Variants in KLHL13 observed in about 807,000 individuals in gnomAD.
KLHL13 encodes the protein kelch like family member 13, also known as kelch-like protein 13.
A neutral mutation model predicts 37.1 loss-of-function variants in KLHL13; 10 were observed. The ratio of observed to expected loss-of-function variants is 0.27; its 90% CI spans 0.17 to 0.46. The LOEUF is 0.46. Among genes scored for constraint, KLHL13 ranks in the 20% least tolerant of loss-of-function variants. The pLI is 1.00. For missense variants in KLHL13, 360 were observed against 509.3 expected, an observed-to-expected ratio of 0.71 and a Z score of 2.82; for synonymous variants, 163 against 181.2, an observed-to-expected ratio of 0.90 and a Z score of 0.81.
intron 1 of KLHL13, among the ~76,000 whole-genome samples, chrX:118,012,596 T>TA (rs1476509037): frequency 3.0e-5 from 3 of 99,628 alleles, no homozygotes; most frequent in African/African-American, 1.1e-4. Context: ...GACCTTAACT[T>TA]AATCACATCT....
chrX:118,110,377 C>CTTTTTTTTT (rs1054663520), intron 1 of KLHL13, among the ~76,000 whole-genome samples: 2 of 82,557 alleles, frequency 2.4e-5, no homozygotes, highest in Admixed American at 1.4e-4. Context: ...ATTTCTTTTT[C>CTTTTTTTTT]TTTTTTTTTT....
At chrX:118,090,829 G>A (rs900694317) in intron 1 of KLHL13, among the ~76,000 whole-genome samples, 8 of 109,706 alleles carry the variant, frequency 7.3e-5, no homozygotes, top group Non-Finnish European at 1.5e-4. Context: ...ACATGCACAC[G>A]TATGTTTATA....
At chrX:117,970,829 ATAAGT>A (rs1290419299) in intron 1 of KLHL13, among the ~76,000 whole-genome samples, 1 of 111,935 alleles carries the variant, frequency 8.9e-6, no homozygotes, top group African/African-American at 3.2e-5. Context: ...AAAAAGAAAA[ATAAGT>A]TAAGACCAAT....
chrX:117,904,812 T>C (rs1045018272), intron 5 of KLHL13, among the ~76,000 whole-genome samples: 2 of 111,514 alleles, frequency 1.8e-5, no homozygotes, highest in Admixed American at 9.6e-5. Flanking sequence ...AGACTCTTTC[T>C]GGCCCTTTAC....
chrX:117,979,730 A>G (rs1254010218), intron 1 of KLHL13, among the ~76,000 whole-genome samples: 1 of 111,618 alleles, frequency 9.0e-6, no homozygotes, highest in Non-Finnish European at 1.9e-5. Flanking sequence ...AAATGAAAAA[A>G]TATGTAGAAA....
intron 1 of KLHL13, among the ~76,000 whole-genome samples, chrX:118,071,185 T>A (rs2054859549): frequency 8.9e-6 from 1 of 111,808 alleles, no homozygotes; most frequent in Non-Finnish European, 1.9e-5. Flanking sequence ...GTTCCAAGTC[T>A]TTGCTATTGT....
chrX:118,050,760 T>C (rs767229275), intron 1 of KLHL13, among the ~76,000 whole-genome samples: 1 of 112,224 alleles, frequency 8.9e-6, no homozygotes, highest in Non-Finnish European at 1.9e-5. Context: ...TGAGCCCTGA[T>C]ACACACACAT....
intron 1 of KLHL13, among the ~76,000 whole-genome samples, chrX:118,095,555 C>G (rs1477751729): frequency 9.0e-6 from 1 of 111,662 alleles, no homozygotes; most frequent in African/African-American, 3.3e-5. Context: ...CAGACATCTA[C>G]AGAACTCTCC....
chrX:117,914,504 A>G (rs1419476672), intron 4 of KLHL13, among the ~76,000 whole-genome samples: 1 of 111,456 alleles, frequency 9.0e-6, no homozygotes, highest in African/African-American at 3.3e-5. Flanking sequence ...GCAGAGAATG[A>G]AACCATGTCC....
At chrX:117,932,447 T>C (rs1464756767) in intron 2 of KLHL13, among the ~76,000 whole-genome samples, 7 of 111,172 alleles carry the variant, frequency 6.3e-5, no homozygotes, top group African/African-American at 2.3e-4. Flanking sequence ...TTCTCTTTCA[T>C]TGCCTGATTT....
At position 117,927,271 on chromosome X, in the gene KLHL13, C is replaced by T. The variant is rs749934999; in HGVS notation, c.241-6901G>A. ...GAGAGGACGCCTCGCCTCGCCCCGC[C>T]CCGCCCCTCCCGGCCTGGCCTGGAT... On this transcript the variant is annotated intron_variant, in intron 2 of 6. Coordinates refer to ENST00000262820, the Ensembl canonical transcript of KLHL13. Among the ~76,000 whole-genome samples the T allele has an allele frequency of 2.7e-5, 3 of 111,546 alleles. No individual in the cohort carries two copies. The South Asian group carries it at 1.1e-3, about 42-fold the overall frequency.
chrX:117,917,779 G>A (rs1931459233), intron 4 of KLHL13, among the ~76,000 whole-genome samples: 1 of 111,818 alleles, frequency 8.9e-6, no homozygotes, highest in African/African-American at 3.2e-5. Flanking sequence ...AATGTCTCTT[G>A]TTAATGATTA....
intron 1 of KLHL13, among the ~76,000 whole-genome samples, chrX:118,002,933 C>T (rs1051011644): frequency 2.7e-5 from 3 of 112,209 alleles, no homozygotes; most frequent in Non-Finnish European, 5.6e-5. Flanking sequence ...TTTGGTGTTC[C>T]AAGCATGTGC....
chrX:118,013,628 A>T (rs1459481261), intron 1 of KLHL13, among the ~76,000 whole-genome samples: 1 of 111,862 alleles, frequency 8.9e-6, no homozygotes, highest in African/African-American at 3.2e-5. Flanking sequence ...CATTAAAGGG[A>T]GTAAAGAGAG....
chrX:117,973,418 G>T (rs770018265), exon 1 of KLHL13: 1 of 966,924 alleles, frequency 1.0e-6, no homozygotes, highest in South Asian at 2.0e-5. Flanking sequence ...ATAGAGATCA[G>T]TGACTAAATT....
chrX:118,101,432 G>A (rs1049318692), intron 1 of KLHL13, among the ~76,000 whole-genome samples: 1 of 111,669 alleles, frequency 9.0e-6, no homozygotes, highest in Non-Finnish European at 1.9e-5. Flanking sequence ...CAGGGAGAGA[G>A]ACAGAGAAGG....
At chrX:117,961,109 C>T (rs1220859988) in intron 1 of KLHL13, among the ~76,000 whole-genome samples, 1 of 111,609 alleles carries the variant, frequency 9.0e-6, no homozygotes, top group Non-Finnish European at 1.9e-5. Context: ...ACAATTGTGC[C>T]TATTTTATAA....
chrX:118,081,929 A>G (rs2148131547), intron 1 of KLHL13, among the ~76,000 whole-genome samples: 1 of 104,905 alleles, frequency 9.5e-6, no homozygotes, highest in Non-Finnish European at 2.0e-5. Context: ...TTAAGGCTGA[A>G]TAGTATTCCA....
At chrX:118,040,368 C>T (rs1326046725) in intron 1 of KLHL13, among the ~76,000 whole-genome samples, 5 of 110,911 alleles carry the variant, frequency 4.5e-5, no homozygotes, top group Admixed American at 3.9e-4. Context: ...AAAGATAACA[C>T]GGAGAAAGAA....
Sources: allele counts gnomAD v4.1 joint callset (sites outside exome capture counted in the v4.1 genomes callset), GRCh38; gene constraint gnomAD v4.1.1; transcripts MANE v1.5; gene names NCBI Gene and HGNC (gene_info 2026-07-23, HGNC 2026-07-21).